SLC25A12: variants seen among roughly 807,000 people sequenced by gnomAD.
SLC25A12 encodes the protein electrogenic aspartate/glutamate antiporter SLC25A12, mitochondrial.
SLC25A12 carries 32 observed loss-of-function variants against 83.3 expected under a neutral mutation model. The observed-to-expected ratio is 0.38, with a 90% CI of 0.29 to 0.52. The LOEUF (loss-of-function observed/expected upper bound fraction) is 0.52. Among genes scored for constraint, SLC25A12 ranks in the 20% least tolerant of loss-of-function variants. SLC25A12 has a pLI of 0.84. For synonymous variants in SLC25A12, 267 were observed against 291.1 expected, an observed-to-expected ratio of 0.92 and a Z score of 0.84; for missense variants, 611 against 835.6, an observed-to-expected ratio of 0.73 and a Z score of 3.31.
At chr2:171,875,211 G>A (rs138400545) in intron 2 of SLC25A12, among the ~76,000 whole-genome samples, 18 of 152,290 alleles carry the variant, frequency 1.2e-4, no homozygotes, top group African/African-American at 3.8e-4. Flanking sequence ...TAAGCACCAA[G>A]TGGCCAATGG....
chr2:171,891,161 C>T (rs2105936095), intron 2 of SLC25A12, among the ~76,000 whole-genome samples: 1 of 152,210 alleles, frequency 6.6e-6, no homozygotes, highest in Non-Finnish European at 1.5e-5. Context: ...AAAAAATTAG[C>T]CGGGTGTGGT....
intron 9 of SLC25A12, among the ~76,000 whole-genome samples, chr2:171,818,689 T>C (rs1022423435): frequency 6.6e-6 from 1 of 151,950 alleles, no homozygotes; most frequent in Non-Finnish European, 1.5e-5. Flanking sequence ...GAAGGATCAC[T>C]TGAGCCTGGG....
At chr2:171,829,963 T>C (rs1389762163) in intron 8 of SLC25A12, among the ~76,000 whole-genome samples, 1 of 152,076 alleles carries the variant, frequency 6.6e-6, no homozygotes, top group Non-Finnish European at 1.5e-5. Flanking sequence ...CTTGGAGGAA[T>C]GAAAAAGGGA....
chr2:171,786,362 C>T (rs188041139), intron 17 of SLC25A12, among the ~76,000 whole-genome samples: 4,940 of 121,244 alleles, frequency 0.041, 125 homozygotes, highest in Non-Finnish European at 0.054. Flanking sequence ...CCAGCCTGGG[C>T]GACAGAGCAA....
Position 171,791,547 on chromosome 2 carries a change from T to A in SLC25A12, c.1489A>T (p.Ile497Phe). The A allele has an allele frequency of 6.2e-7, 1 of 1,613,820 alleles. No homozygotes were observed. The highest frequency in any genetic ancestry group is 8.5e-7 in the Non-Finnish European group (1 of 1,179,736). The change falls in exon 15 of 18, where the codon ATC becomes TTC. Residue 497 changes from isoleucine (I) to phenylalanine (F), a missense_variant. Around this residue, in one of 3 missense-constraint regions of SLC25A12, gnomAD observed 540 missense variants for 777.5 expected, o/e 0.69. Coordinates refer to ENST00000422440, the MANE Select transcript of SLC25A12 (RefSeq NM_003705.5). ...CAATGAGCATAAACAGGAAAATAGA[T>A]TGCAGAGAAGGGAATGTCTCGGAGG... ...CFLRDIPFSA[I>F]YFPVYAHCKL... is the part of the protein sequence containing the mutation.
intron 5 of SLC25A12, among the ~76,000 whole-genome samples, chr2:171,838,794 T>G (rs1187422974): frequency 6.6e-6 from 1 of 152,200 alleles, no homozygotes; most frequent in African/African-American, 2.4e-5. Flanking sequence ...TGCATCTGGC[T>G]TCCAAATGAT....
At chr2:171,832,427 T>C (rs543839590) in intron 8 of SLC25A12, among the ~76,000 whole-genome samples, 29 of 152,318 alleles carry the variant, frequency 1.9e-4, no homozygotes, top group African/African-American at 7.0e-4. Flanking sequence ...ATGTTCACCA[T>C]AGACAACAAT....
intron 2 of SLC25A12, among the ~76,000 whole-genome samples, chr2:171,885,604 G>A (rs570379034): frequency 4.6e-5 from 7 of 152,102 alleles, no homozygotes; most frequent in East Asian, 1.9e-4. Flanking sequence ...CCCGGGAGGC[G>A]GAGGTTGCAG....
chr2:171,796,863 C>T (rs920024888), intron 13 of SLC25A12, among the ~76,000 whole-genome samples: 3 of 152,122 alleles, frequency 2.0e-5, no homozygotes, highest in African/African-American at 7.2e-5. Flanking sequence ...TGTTCTTTTT[C>T]GGATTCTGAG....
At chr2:171,843,644 A>G (rs1414303350) in intron 5 of SLC25A12, among the ~76,000 whole-genome samples, 1 of 151,984 alleles carries the variant, frequency 6.6e-6, no homozygotes, top group Non-Finnish European at 1.5e-5. Context: ...AAAAATATAT[A>G]ATAACTTCAG....
chr2:171,837,863 T>C (rs1684589920), intron 5 of SLC25A12, among the ~76,000 whole-genome samples: 1 of 152,190 alleles, frequency 6.6e-6, no homozygotes, highest in South Asian at 2.1e-4. Context: ...ACTGCAAAAG[T>C]AGTGTTCAGC....
intron 3 of SLC25A12, among the ~76,000 whole-genome samples, chr2:171,858,344 A>G (rs183922940): frequency 1.5e-4 from 23 of 152,318 alleles, no homozygotes; most frequent in Middle Eastern, 3.4e-3. Context: ...AAACAGACTG[A>G]CCAATAATTT....
chr2:171,796,735 A>C (rs1253457039), intron 13 of SLC25A12, among the ~76,000 whole-genome samples: 2 of 152,182 alleles, frequency 1.3e-5, no homozygotes, highest in African/African-American at 2.4e-5. Flanking sequence ...ACGCTGAATA[A>C]TTTTAGCAAA....
At chr2:171,888,410 A>G (rs1336754454) in intron 2 of SLC25A12, among the ~76,000 whole-genome samples, 3 of 151,154 alleles carry the variant, frequency 2.0e-5, no homozygotes, top group Admixed American at 2.0e-4. Flanking sequence ...ATATACCAGT[A>G]CTTTCAAATA....
chr2:171,814,763 G>T (rs541725636), intron 10 of SLC25A12, among the ~76,000 whole-genome samples: 1 of 151,960 alleles, frequency 6.6e-6, no homozygotes, highest in Non-Finnish European at 1.5e-5. Flanking sequence ...CTGTTCCTGC[G>T]TTAGTTTGCT....
intron 9 of SLC25A12, 66 bp from the exon 10 acceptor site, chr2:171,815,268 T>C (rs1684028579): frequency 1.8e-6 from 2 of 1,103,396 alleles, no homozygotes; most frequent in Admixed American, 1.7e-5. Context: ...AAAGCTACAA[T>C]TTGACTATTT....
At chr2:171,834,259 G>C (rs947974299) in intron 7 of SLC25A12, 1 of 534,998 alleles carries the variant, frequency 1.9e-6, no homozygotes, top group Non-Finnish European at 3.3e-6. Flanking sequence ...ATGTTAAGAT[G>C]ATAAAACAGC....
Position 171,815,189 on chromosome 2 carries a change from A to G in SLC25A12, c.944T>C (p.Leu315Ser). 1 of 1,613,578 alleles carries G rather than the reference A, an allele frequency of 6.2e-7. No homozygotes were observed. Among genetic ancestry groups the G allele is most frequent in the Non-Finnish European group, 8.5e-7 (1 of 1,179,590 alleles). The change falls in exon 10 of 18, where the codon TTA becomes TCA. Residue 315 changes from leucine to serine, a missense_variant. By Grantham distance (145) the Leu-to-Ser change is moderately radical. Transcript: ENST00000422440. ...AATCTGGAGCCAGATAGGCCTGCCT[A>G]ACCCAGGAGACTGCTGCAGAGAAGA... ...AELQRQQSPG[L>S]GRPIWLQIAE...
At chr2:171,844,021 G>A (rs1306089387) in intron 5 of SLC25A12, among the ~76,000 whole-genome samples, 1 of 152,094 alleles carries the variant, frequency 6.6e-6, no homozygotes, top group African/African-American at 2.4e-5. Context: ...TCCTGACCTC[G>A]TGATCTGCCC....
Sources: allele counts gnomAD v4.1 joint callset (sites outside exome capture counted in the v4.1 genomes callset), GRCh38; gene constraint gnomAD v4.1.1; regional missense constraint gnomAD v4.1.1; transcripts MANE v1.5; gene names NCBI Gene and HGNC (gene_info 2026-07-23, HGNC 2026-07-21).